LAMA4: variants seen among roughly 807,000 people sequenced by gnomAD.
LAMA4 encodes laminin subunit alpha 4.
A neutral mutation model predicts 207.1 loss-of-function variants in LAMA4; 127 were observed. That is an observed-to-expected ratio of 0.61 (90% confidence interval 0.53 to 0.71). LAMA4 has a LOEUF of 0.71. LAMA4 is among the 30% of genes least tolerant of loss of function. The probability of loss-of-function intolerance (pLI) is 0.00; values close to 1 mark genes in which losing one functional copy is unlikely to be tolerated. For synonymous variants in LAMA4, 761 were observed against 816.0 expected, an observed-to-expected ratio of 0.93 and a Z score of 1.15; for missense variants, 2,093 against 2,246.5, an observed-to-expected ratio of 0.93 and a Z score of 1.38.
intron 2 of LAMA4, chr6:112,217,883 C>G (rs892468412): frequency 2.0e-5 from 3 of 152,150 alleles, no homozygotes; most frequent in African/African-American, 4.8e-5. Context: ...TTAATTTAGA[C>G]CATTTAATTT....
Position 112,207,136 on chromosome 6 carries a change from G to A in LAMA4, c.307C>T (p.Arg103Trp), listed in dbSNP as rs138176093. 1.7e-4 allele frequency: 278 copies of A among 1,613,836 alleles called. No individual in the cohort carries two copies. The highest frequency in any genetic ancestry group is 2.3e-4 in the Admixed American group (14 of 59,982). The change falls in exon 4 of 39, where the codon CGG becomes TGG. Residue 103 changes from arginine (R) to tryptophan (W), a missense_variant. Transcript: ENST00000230538. ...TCACAGTGCTCTCCTGTTGTGTTCC[G>A]CTGGCAGTGCTATGAGACAAAAGAC... is the stretch of plus-strand genomic sequence containing the variant. ...DGSGYCVHCQ[R>W]NTTGEHCEKC...
chr6:112,148,188 G>T lies in LAMA4; in HGVS notation c.2322C>A (p.Tyr774Ter). 3 of 1,614,168 alleles carry T rather than the reference G, an allele frequency of 1.9e-6. No homozygotes were observed. The highest frequency in any genetic ancestry group is 2.5e-6 in the Non-Finnish European group (3 of 1,179,994). ...QNLQHFDSSAYNTAVNSARDA... is the reference protein window; with the variant it reads ...QNLQHFDSSA Reference sequence around the variant, plus strand: ...CCCTAGCAGAGTTCACTGCAGTGTTGTAAGCAGAAGAGTCAAAATGTTGAA... The same window carrying T: ...CCCTAGCAGAGTTCACTGCAGTGTTTTAAGCAGAAGAGTCAAAATGTTGAA... Residue 774 changes from tyrosine to a stop codon, truncating the protein, a stop_gained, in exon 18 of 39, where the codon TAC becomes TAA. Transcript: ENST00000230538. LOFTEE classifies it high-confidence loss of function.
intron 25 of LAMA4, chr6:112,135,767 A>C (rs1458324317): frequency 3.4e-5 from 7 of 205,710 alleles, no homozygotes; most frequent in African/African-American, 1.7e-4. Flanking sequence ...TCAAAGGATA[A>C]GCAAAAAAAG....
chr6:112,198,743 C>T (rs1047025258), intron 5 of LAMA4, among the ~76,000 whole-genome samples: 4 of 152,172 alleles, frequency 2.6e-5, no homozygotes, highest in East Asian at 1.9e-4. Context: ...AATGAGCCAA[C>T]GTGTCCCAGG....
intron 5 of LAMA4, 79 bp from the exon 6 acceptor site, chr6:112,191,929 A>G (rs1783145009): frequency 9.3e-7 from 1 of 1,071,384 alleles, no homozygotes; most frequent in African/African-American, 1.6e-5. Flanking sequence ...ACAAAGAAGA[A>G]AGATGTAGTG....
chr6:112,189,074 AAGTGGGGTT>A, intron 7 of LAMA4, 27 bp downstream of exon 7: 1 of 1,417,016 alleles, frequency 7.1e-7, no homozygotes, highest in South Asian at 1.2e-5. Flanking sequence ...ACATTAGAGA[AAGTGGGGTT>A]AGTCAATCAT....
At chr6:112,197,505 T>C (rs1554350861) in intron 5 of LAMA4, among the ~76,000 whole-genome samples, 1 of 152,240 alleles carries the variant, frequency 6.6e-6, no homozygotes, top group East Asian at 1.9e-4. Flanking sequence ...GCTTAAATTA[T>C]CTTTAAATAT....
chr6:112,133,546 G>A, intron 26 of LAMA4, 59 bp from the exon 27 acceptor site: 1 of 1,589,974 alleles, frequency 6.3e-7, no homozygotes, highest in Non-Finnish European at 8.6e-7. Context: ...CCCTGCATAT[G>A]TAGGCTATGG....
Position 112,122,208 on chromosome 6 carries a change from A to G in LAMA4, c.4288-7T>C, listed in dbSNP as rs1554326385. The G allele has an allele frequency of 2.5e-6, 4 of 1,611,712 alleles. No homozygotes were observed. The highest frequency in any genetic ancestry group is 2.2e-5 in the East Asian group (1 of 44,828). On this transcript the variant is annotated splice_region_variant and splice_polypyrimidine_tract_variant and intron_variant, in intron 31 of 38. Coordinates refer to ENST00000230538, the MANE Select transcript of LAMA4 (RefSeq NM_001105206.3). ...CATCTTTACTTTTCCCTCCCTATAA[A>G]AGTAAACCAAATTAAGGGATAAAAG...
At chr6:112,201,502 A>G (rs1783743247) in intron 5 of LAMA4, 106 bp downstream of exon 5, 1 of 953,788 alleles carries the variant, frequency 1.0e-6, no homozygotes, top group South Asian at 1.3e-5. Flanking sequence ...ACTCTTAAGC[A>G]TCTCCTTCAG....
intron 2 of LAMA4, among the ~76,000 whole-genome samples, chr6:112,239,085 T>G (rs1271662052): frequency 6.6e-6 from 1 of 151,692 alleles, no homozygotes; most frequent in Non-Finnish European, 1.5e-5. Context: ...TTTTGGGAGA[T>G]CGAGGCAGGT....
intron 2 of LAMA4, among the ~76,000 whole-genome samples, chr6:112,237,659 T>C (rs1174634012): frequency 6.6e-6 from 1 of 152,184 alleles, no homozygotes; most frequent in East Asian, 1.9e-4. Context: ...GAGACTTCTC[T>C]CCCATGATTT....
chr6:112,126,517 C>A, intron 31 of LAMA4, among the ~76,000 whole-genome samples: 1 of 152,148 alleles, frequency 6.6e-6, no homozygotes, highest in East Asian at 1.9e-4. Context: ...TAATTATACA[C>A]ACACAAAATT....
At position 112,150,844 on chromosome 6, in the gene LAMA4, T is replaced by C. The variant is rs370474075; in HGVS notation, c.2057-217A>G. On this transcript the variant is annotated intron_variant, in intron 16 of 38. Transcript: ENST00000230538. Reference sequence around the variant, plus strand: ...CTTGTAATACTGCTTGTGAGTGACTTAGGATGCCATCATGGTTACTTTCTT... The same window carrying C: ...CTTGTAATACTGCTTGTGAGTGACTCAGGATGCCATCATGGTTACTTTCTT... Among the ~76,000 whole-genome samples the C allele has an allele frequency of 2.6e-5, 4 of 152,304 alleles. No homozygotes were observed. In the East Asian group the frequency reaches 5.8e-4, roughly 22 times the overall value.
At chr6:112,188,320 A>G (rs1554347360) in intron 7 of LAMA4, among the ~76,000 whole-genome samples, 2 of 152,204 alleles carry the variant, frequency 1.3e-5, no homozygotes, top group Non-Finnish European at 2.9e-5. Context: ...CCAGTACTTC[A>G]GGCTTGGTGG....
rs142899733 is a variant in LAMA4, at chr6:112,166,532, T to C, written c.1552-1256A>G. On this transcript the variant is annotated intron_variant, in intron 12 of 38. Transcript: ENST00000230538. ...GAACTGTTTTCCTTTTACAGTGTTC[T>C]TTACCCCTTCTGTAAGTTCTCTCTG... 2.8e-3 allele frequency: 435 copies of C among 153,630 alleles called. 1 individual carries two copies. The highest frequency in any genetic ancestry group is 0.027 in the Middle Eastern group (8 of 294). The allele number at this position is 153,630 out of a possible 1,614,324, so 9.5% of individuals were successfully genotyped here. A position where few individuals can be genotyped will look rare whatever the true frequency, so the allele number is the denominator to read the frequency against.
In LAMA4 at chr6:112,118,686, C is replaced by T. The variant is rs1778163421; in HGVS notation, c.4821+470G>A. On this transcript the variant is annotated intron_variant, in intron 34 of 38. Transcript: ENST00000230538. The surrounding 1 kb of genome is among the most constrained non-coding windows in gnomAD (Gnocchi z 4.6). Reference sequence around the variant, plus strand: ...ACTTCTCCCCAGGGCAACCACATTTCCTTATACATTTACAAATTGTGTGTG... The same window carrying T: ...ACTTCTCCCCAGGGCAACCACATTTTCTTATACATTTACAAATTGTGTGTG... 6.7e-6 allele frequency among the ~76,000 whole-genome samples: 1 copy of T among 149,658 alleles called. No homozygotes were observed. Among genetic ancestry groups the T allele is most frequent in the African/African-American group, 2.5e-5 (1 of 40,442 alleles).
intron 2 of LAMA4, among the ~76,000 whole-genome samples, chr6:112,227,320 C>T (rs1305209613): frequency 5.9e-5 from 9 of 152,174 alleles, no homozygotes; most frequent in African/African-American, 1.7e-4. Flanking sequence ...CCACCCGCCT[C>T]GGCCTCCCAA....
chr6:112,161,493 A>C (rs935444214), intron 13 of LAMA4, among the ~76,000 whole-genome samples: 3 of 152,216 alleles, frequency 2.0e-5, no homozygotes, highest in African/African-American at 7.2e-5. Context: ...GACCATGGAC[A>C]TACCACTTTT....
Sources: gnomAD v4.1 joint callset for allele counts (sites outside exome capture counted in the v4.1 genomes callset) on GRCh38, gnomAD v4.1.1 for gene constraint, Gnocchi (gnomAD v3.1) non-coding constraint, MANE v1.5 for transcripts, NCBI Gene and HGNC (gene_info 2026-07-23, HGNC 2026-07-21) for gene names.